The following ITGB2 variants were observed in gnomAD, a reference collection of about 807,000 sequenced individuals.
ITGB2 encodes integrin subunit beta 2, also known as integrin beta-2.
Under a neutral mutation model 86.8 loss-of-function variants are expected in ITGB2, and 56 were observed. That is an observed-to-expected ratio of 0.65 (90% CI 0.52 to 0.81). ITGB2 has a LOEUF of 0.81. ITGB2 is among the 30% of genes least tolerant of loss of function. The pLI is 0.00. For missense variants in ITGB2, 948 were observed against 1,061.2 expected, an observed-to-expected ratio of 0.89 and a Z score of 1.48; for synonymous variants, 457 against 450.4, an observed-to-expected ratio of 1.01 and a Z score of -0.19.
intron 1 of ITGB2, among the ~76,000 whole-genome samples, chr21:44,916,828 T>A (rs975336785): frequency 6.8e-5 from 10 of 146,544 alleles, no homozygotes; most frequent in East Asian, 2.0e-4. Flanking sequence ...AGATCTCACC[T>A]CTGCACTCCA....
intron 3 of ITGB2, 73 bp downstream of exon 3, chr21:44,910,211 A>C: frequency 6.4e-7 from 1 of 1,562,480 alleles, no homozygotes; most frequent in Admixed American, 1.8e-5. Context: ...TCTGGGTGCC[A>C]CTGGCTTCAG....
intron 3 of ITGB2, among the ~76,000 whole-genome samples, chr21:44,908,337 G>T (rs139176092): frequency 6.6e-6 from 1 of 151,780 alleles, no homozygotes; most frequent in East Asian, 1.9e-4. Flanking sequence ...GAAAGAAACA[G>T]AAGTAAGATA....
At chr21:44,919,622 G>A (rs911723978) in intron 1 of ITGB2, among the ~76,000 whole-genome samples, 16 of 152,314 alleles carry the variant, frequency 1.1e-4, no homozygotes, top group South Asian at 4.1e-4. Flanking sequence ...TTGCGCCACC[G>A]TCACGGGGAA....
At chr21:44,910,695 G>A (rs1484608587) in intron 2 of ITGB2, 30 bp downstream of exon 2, 1 of 1,609,772 alleles carries the variant, frequency 6.2e-7, no homozygotes, top group Non-Finnish European at 8.5e-7. Context: ...TGTCACGCGT[G>A]GAGTCCCCTC....
At chr21:44,886,477 G>A (rs376017684) in intron 15 of ITGB2, 47 bp from the exon 16 acceptor site, 1 of 1,589,834 alleles carries the variant, frequency 6.3e-7, no homozygotes, top group African/African-American at 1.3e-5. Context: ...GAGGTTTTCA[G>A]AGCAGAATCT....
At chr21:44,907,761 G>A (rs2084065141) in intron 3 of ITGB2, among the ~76,000 whole-genome samples, 2 of 152,214 alleles carry the variant, frequency 1.3e-5, no homozygotes, top group Admixed American at 6.5e-5. Flanking sequence ...TTCGTAGAGG[G>A]AAGCTCAGGA....
rs530620955 is a variant in ITGB2 at position 44,894,984 on chromosome 21, T to C, written c.1070A>G (p.Lys357Arg). 2.7e-5 allele frequency: 44 copies of C among 1,609,774 alleles called. No homozygotes were observed. The South Asian group carries it at 4.4e-4, about 16-fold the overall frequency. The part of the protein sequence containing the change: ...EDSSNVVHLI[K>R]NAYNKLSSRV... ...CGGGAGACTCACATTGTAAGCATTC[T>C]TAATGAGATGGACCACATTGCTGGA... The change falls in exon 9 of 16, where the codon AAG becomes AGG. Residue 357 changes from lysine to arginine, a missense_variant. Physicochemically the swap from Lys to Arg is conservative, Grantham distance 26. Transcript: ENST00000652462.
intron 1 of ITGB2, chr21:44,928,570 C>T (rs902754615): frequency 6.5e-6 from 1 of 153,254 alleles, no homozygotes; most frequent in Non-Finnish European, 1.5e-5. Flanking sequence ...CTCCCCACCC[C>T]CATGAAGGCC....
At chr21:44,923,537 C>A (rs762481754), upstream of ITGB2, among the ~76,000 whole-genome samples, 12 of 152,052 alleles carry the variant, frequency 7.9e-5, no homozygotes, top group Non-Finnish European at 1.6e-4. Flanking sequence ...ATTTTTGAAG[C>A]CACTGTTGGG....
Position 44,910,598 on chromosome 21 carries a change from AC to A in ITGB2, c.58+126del, listed in dbSNP as rs772943290. On this transcript the variant is annotated intron_variant, in intron 2 of 15. Coordinates refer to ENST00000652462, the MANE Select transcript of ITGB2 (RefSeq NM_000211.5). The stretch of plus-strand genomic sequence containing the variant: ...GAGACGAGGCCTGAGTCCCCGACCT[AC>A]CCCCAGTGGCAAGGTCCTTCCCCAG... The A allele has an allele frequency of 1.7e-5, 23 of 1,372,024 alleles. No homozygotes were observed. The Admixed American group carries it at 2.7e-4, about 16-fold the overall frequency. The allele number at this position is 1,372,024 out of a possible 1,614,324, so 85.0% of individuals were successfully genotyped here. A position where few individuals can be genotyped will look rare whatever the true frequency, so the allele number is the denominator to read the frequency against.
In ITGB2 at chr21:44,886,237, T is replaced by C. The variant is rs1183347686; in HGVS notation, c.*131A>G. 6.5e-6 allele frequency: 6 copies of C among 929,862 alleles called. No individual in the cohort carries two copies. The highest frequency in any genetic ancestry group is 3.1e-4 in the Middle Eastern group (1 of 3,236). The allele number at this position is 929,862 out of a possible 1,614,324, so 57.6% of individuals were successfully genotyped here. ...AGCACCCGGCCGGCCATGGCTGTCATTTTGAGGGCGGAAAATAACTGGATT... is the reference window on the plus strand; with the variant it reads ...AGCACCCGGCCGGCCATGGCTGTCACTTTGAGGGCGGAAAATAACTGGATT... On this transcript the variant is annotated 3_prime_UTR_variant, in exon 16 of 16. Transcript: ENST00000652462.
In ITGB2 at chr21:44,891,962, C is replaced by T; in HGVS notation, c.1259G>A (p.Cys420Tyr). 1 of 1,613,188 alleles carries T rather than the reference C, an allele frequency of 6.2e-7. No homozygotes were observed. Among genetic ancestry groups the T allele is most frequent in the South Asian group, 1.1e-5 (1 of 91,082 alleles). Residue 420 changes from cysteine (C) to tyrosine (Y), a missense_variant, in exon 11 of 16, where the codon TGC becomes TAC. Cys to Tyr is a radical substitution (Grantham distance 194, BLOSUM62 -2). Transcript: ENST00000652462. ...GATGACAAACGACTGCTCCTGGATGCACTCTGTGGCCGTGACCTTCACCTG... is the reference window on the plus strand; with the variant it reads ...GATGACAAACGACTGCTCCTGGATGTACTCTGTGGCCGTGACCTTCACCTG... The part of the protein sequence containing the change: ...TFQVKVTATE[C>Y]IQEQSFVIRA...
rs1034796232 is a variant in ITGB2, at chr21:44,914,664, T to C, written c.-3-3879A>G. ...AGAGGCCAGCCTGGTGGCTGACGCC[T>C]GCAATCCCAGTGTTTTGAGAGGCCA... On this transcript the variant is annotated intron_variant, in intron 1 of 15. Transcript: ENST00000652462. 5.3e-5 allele frequency among the ~76,000 whole-genome samples: 8 copies of C among 152,214 alleles called. No homozygotes were observed. The South Asian group carries it at 1.2e-3, about 24-fold the overall frequency.
chr21:44,911,182 C>A (rs943555982), intron 1 of ITGB2: 6 of 346,914 alleles, frequency 1.7e-5, no homozygotes, highest in African/African-American at 1.3e-4. Context: ...ATGCATCACA[C>A]CACACATATG....
chr21:44,910,259 G>T (rs748443401), intron 3 of ITGB2, 25 bp downstream of exon 3: 3 of 1,611,328 alleles, frequency 1.9e-6, no homozygotes, highest in South Asian at 1.1e-5. Flanking sequence ...CTGGGCAGGT[G>T]GGGAGGGGTC....
At position 44,900,306 on chromosome 21, in the gene ITGB2, G is replaced by A. The variant is rs374471192; in HGVS notation, c.897+14C>T. ...CTGCCAGGCGGTGCCTGGGTGCCTG[G>A]GGTGGGGACTTACGAATTCGTTGCT... On this transcript the variant is annotated intron_variant, in intron 7 of 15. Coordinates refer to ENST00000652462, the MANE Select transcript of ITGB2 (RefSeq NM_000211.5). 1.9e-6 allele frequency: 3 copies of A among 1,614,186 alleles called. No individual in the cohort carries two copies. Among genetic ancestry groups the A allele is most frequent in the Non-Finnish European group, 2.5e-6 (3 of 1,180,014 alleles).
Position 44,907,126 on chromosome 21 carries a change from G to A in ITGB2, c.148-31C>T, listed in dbSNP as rs200972335. The A allele has an allele frequency of 1.4e-5, 22 of 1,539,064 alleles. No individual in the cohort carries two copies. The African/African-American group carries it at 2.0e-4, about 14-fold the overall frequency. ...GAGGGGGAGTCAGGGGTCAGGAGGG[G>A]GCCACACTGCGGGACCTGCAGGAGG... On this transcript the variant is annotated intron_variant, in intron 3 of 15. Transcript: ENST00000652462.
At chr21:44,901,845 G>A in intron 5 of ITGB2, 112 bp from the exon 6 acceptor site, 1 of 1,195,632 alleles carries the variant, frequency 8.4e-7, no homozygotes, top group Non-Finnish European at 1.2e-6. Context: ...CAGGGAGGTG[G>A]AGAAAGCAAG....
chr21:44,890,263 G>T (rs1025805657), intron 11 of ITGB2, 41 bp from the exon 12 acceptor site: 2 of 1,611,234 alleles, frequency 1.2e-6, no homozygotes, highest in Non-Finnish European at 1.7e-6. Flanking sequence ...TCCCCCCAGT[G>T]ATGTGGGACA....
Sources: allele counts gnomAD v4.1 joint callset (sites outside exome capture counted in the v4.1 genomes callset), GRCh38; gene constraint gnomAD v4.1.1; transcripts MANE v1.5; gene names NCBI Gene and HGNC (gene_info 2026-07-23, HGNC 2026-07-21).